Variants in PTPRQ observed in about 807,000 individuals in gnomAD.
The protein encoded by PTPRQ is protein tyrosine phosphatase receptor type Q.
In PTPRQ, 199 loss-of-function variants were observed where a neutral mutation model predicts 246.0. That is an observed-to-expected ratio of 0.81 (90% CI 0.72 to 0.91). PTPRQ has a LOEUF of 0.91. Among genes scored for constraint, PTPRQ ranks in the 40% least tolerant of loss-of-function variants. The pLI is 0.00. For synonymous variants in PTPRQ, 869 were observed against 853.2 expected, an observed-to-expected ratio of 1.02 and a Z score of -0.32; for missense variants, 2,624 against 2,528.4, an observed-to-expected ratio of 1.04 and a Z score of -0.81.
In PTPRQ at chr12:80,539,959, A is replaced by G. The variant is rs572140738; in HGVS notation, c.3154+15A>G. On this transcript the variant is annotated intron_variant, in intron 20 of 44. Transcript: ENST00000644991. ...AGATCAAGACAGTATGTAAACAAAA[A>G]ACACTAATCTTTAATATGATTAATT... 8.3e-6 allele frequency: 12 copies of G among 1,446,448 alleles called. No homozygotes were observed. The African/African-American group carries it at 1.5e-4, about 18-fold the overall frequency. The allele number at this position is 1,446,448 out of a possible 1,614,324, so 89.6% of individuals were successfully genotyped here. A position where few individuals can be genotyped will look rare whatever the true frequency, so the allele number is the denominator to read the frequency against.
intron 18 of PTPRQ, among the ~76,000 whole-genome samples, chr12:80,534,497 C>T (rs963105811): frequency 4.6e-5 from 7 of 151,810 alleles, no homozygotes; most frequent in South Asian, 4.2e-4. Flanking sequence ...GTTTATTAAA[C>T]GAAACAACAT....
chr12:80,556,928 G>C (rs925019151), intron 25 of PTPRQ, among the ~76,000 whole-genome samples: 18 of 152,136 alleles, frequency 1.2e-4, no homozygotes, highest in African/African-American at 4.3e-4. Flanking sequence ...AACTGAAGTG[G>C]ACCCCTACTT....
chr12:80,596,368 G>A (rs1027194653), intron 26 of PTPRQ, among the ~76,000 whole-genome samples: 43 of 151,758 alleles, frequency 2.8e-4, no homozygotes, highest in African/African-American at 9.7e-4. Context: ...CAAGTAGAAA[G>A]TTGTAGCAAA....
intron 35 of PTPRQ, among the ~76,000 whole-genome samples, chr12:80,642,951 TG>T (rs1899939867): frequency 7.1e-6 from 1 of 141,322 alleles, no homozygotes; most frequent in Non-Finnish European, 1.5e-5. Flanking sequence ...AAAAAACAAT[TG>T]AGTATCTCTC....
chr12:80,619,668 C>A, intron 31 of PTPRQ, 126 bp downstream of exon 31: 1 of 621,766 alleles, frequency 1.6e-6, no homozygotes. Context: ...AATAGATTGT[C>A]AATATTATTA....
intron 17 of PTPRQ, among the ~76,000 whole-genome samples, chr12:80,511,406 A>G (rs1240116273): frequency 6.6e-6 from 1 of 152,190 alleles, no homozygotes; most frequent in South Asian, 2.1e-4. Context: ...GAAGGTTACC[A>G]TTCCTTTTCA....
chr12:80,673,373 C>A, intron 43 of PTPRQ, 69 bp downstream of exon 43: 2 of 1,508,694 alleles, frequency 1.3e-6, no homozygotes, highest in Middle Eastern at 1.7e-4. Flanking sequence ...TTAGTGGCAG[C>A]AATCTGGATG....
chr12:80,654,570 T>G (rs1163023), intron 38 of PTPRQ, among the ~76,000 whole-genome samples: 51,829 of 151,720 alleles, frequency 0.34, 14,194 homozygotes, highest in African/African-American at 0.76. Context: ...ATTAATGGCC[T>G]GGCGCGGTGG....
chr12:80,599,434 A>G (rs1447640502), intron 26 of PTPRQ, among the ~76,000 whole-genome samples: 1 of 151,884 alleles, frequency 6.6e-6, no homozygotes, highest in African/African-American at 2.4e-5. Context: ...TGGGGAGACA[A>G]ACAAAGCTCC....
chr12:80,483,489 C>T (rs1308378868), intron 8 of PTPRQ, among the ~76,000 whole-genome samples: 1 of 150,666 alleles, frequency 6.6e-6, no homozygotes, highest in African/African-American at 2.5e-5. Flanking sequence ...AACTAACCTG[C>T]ACAATGTGCA....
intron 33 of PTPRQ, among the ~76,000 whole-genome samples, chr12:80,626,382 T>C (rs947950123): frequency 6.6e-6 from 1 of 152,164 alleles, no homozygotes; most frequent in African/African-American, 2.4e-5. Context: ...CTAATACTCA[T>C]TTTAGAAGCT....
intron 26 of PTPRQ, among the ~76,000 whole-genome samples, chr12:80,603,986 A>G (rs1898226951): frequency 1.3e-5 from 2 of 151,680 alleles, no homozygotes; most frequent in Non-Finnish European, 1.5e-5. Flanking sequence ...TTAAAGCACT[A>G]TAAAATATTC....
At chr12:80,637,130 G>A (rs1899684626) in intron 35 of PTPRQ, among the ~76,000 whole-genome samples, 2 of 152,146 alleles carry the variant, frequency 1.3e-5, no homozygotes, top group South Asian at 4.1e-4. Flanking sequence ...ATGGTGGCAT[G>A]TGCCTGTAGT....
Position 80,493,455 on chromosome 12 carries a change from G to T in PTPRQ, c.1540G>T (p.Val514Leu). 1 of 1,546,162 alleles carries T rather than the reference G, an allele frequency of 6.5e-7. No individual in the cohort carries two copies. The highest frequency in any genetic ancestry group is 2.5e-5 in the East Asian group (1 of 40,808). Residue 514 changes from valine to leucine, a missense_variant and splice_region_variant, in exon 10 of 45, where the codon GTA (valine) becomes TTA (leucine). Transcript: ENST00000644991. ...AGCTGAAGACCAGACTTCACCAGTT[G>T]GTAGGTAGAATTTTGATTTTCTATA... is the stretch of plus-strand genomic sequence containing the variant. Reference protein sequence around the residue: ...NRAEDQTSPVVTTRNQYITDI... With the variant: ...NRAEDQTSPVLTTRNQYITDI...
chr12:80,496,277 A>G lies in PTPRQ; in HGVS notation c.2018A>G (p.Glu673Gly). The stretch of plus-strand genomic sequence containing the variant: ...CCGGAATCATCACCTCAAGATGTCG[A>G]AGTAATTGATGTTACCGCAGATGAA... ...DEPESSPQDV[E>G]VIDVTADEIR... The change falls in exon 14 of 45, where the codon GAA becomes GGA. Residue 673 changes from glutamate to glycine, a missense_variant. Glu to Gly is a moderately conservative substitution (Grantham distance 98, BLOSUM62 -2). Transcript: ENST00000644991. The G allele has an allele frequency of 6.4e-7, 1 of 1,550,640 alleles. No homozygotes were observed. Among genetic ancestry groups the G allele is most frequent in the Non-Finnish European group, 8.7e-7 (1 of 1,146,418 alleles).
chr12:80,572,409 A>T (rs527521937), intron 25 of PTPRQ, among the ~76,000 whole-genome samples: 3 of 152,090 alleles, frequency 2.0e-5, no homozygotes, highest in Non-Finnish European at 4.4e-5. Flanking sequence ...TGTTAAAAAA[A>T]TTTAAATAAT....
At position 80,613,828 on chromosome 12, in the gene PTPRQ, A is replaced by C; in HGVS notation, c.5155A>C (p.Asn1719His). Residue 1719 changes from asparagine (N) to histidine (H), a missense_variant, in exon 29 of 45, where the codon AAT (asparagine) becomes CAT (histidine). Coordinates refer to ENST00000644991, the MANE Select transcript of PTPRQ (RefSeq NM_001145026.2). The stretch of plus-strand genomic sequence containing the variant: ...AGGACTAAAAGGTGGACATACATAC[A>C]ATATCAGTGTAAGAATCCGTAGCTT... Reference protein sequence around the residue: ...LEGLKGGHTYNISVYAVNSAG... With the variant: ...LEGLKGGHTYHISVYAVNSAG... 6.6e-7 allele frequency: 1 copy of C among 1,525,634 alleles called. No homozygotes were observed. Among genetic ancestry groups the C allele is most frequent in the East Asian group, 2.5e-5 (1 of 40,014 alleles). The allele number at this position is 1,525,634 out of a possible 1,614,324, so 94.5% of individuals were successfully genotyped here. A position where few individuals can be genotyped will look rare whatever the true frequency, so the allele number is the denominator to read the frequency against.
intron 9 of PTPRQ, among the ~76,000 whole-genome samples, chr12:80,490,551 G>A (rs1384778956): frequency 4.6e-5 from 7 of 152,018 alleles, no homozygotes; most frequent in South Asian, 2.1e-4. Context: ...CTCAACCAGC[G>A]GCAGTTTTGC....
At chr12:80,600,981 C>G (rs1898123035) in intron 26 of PTPRQ, among the ~76,000 whole-genome samples, 1 of 151,700 alleles carries the variant, frequency 6.6e-6, no homozygotes, top group African/African-American at 2.4e-5. Context: ...GCCTCAGGGT[C>G]TTCACGCTGG....
Sources: gnomAD v4.1 joint callset for allele counts (sites outside exome capture counted in the v4.1 genomes callset) on GRCh38, gnomAD v4.1.1 for gene constraint, MANE v1.5 for transcripts, NCBI Gene and HGNC (gene_info 2026-07-23, HGNC 2026-07-21) for gene names.